The following GARS1 variants were observed in gnomAD, a reference collection of about 807,000 sequenced individuals.
GARS1 encodes glycyl-tRNA synthetase 1, also known as glycine--tRNA ligase.
GARS1 carries 46 observed loss-of-function variants against 86.4 expected under a neutral mutation model. That is an observed-to-expected ratio of 0.53 (90% CI 0.42 to 0.68). The LOEUF (loss-of-function observed/expected upper bound fraction) is 0.68, where lower values mean the gene tolerates loss of function less well. Among genes scored for constraint, GARS1 ranks in the 30% least tolerant of loss-of-function variants. The pLI is 0.00. For missense variants in GARS1, 797 were observed against 915.6 expected (o/e 0.87, Z 1.67); for synonymous variants, 342 against 329.8 (o/e 1.04, Z -0.40).
chr7:30,622,488 C>T (rs1232395832), intron 12 of GARS1, 26 bp downstream of exon 12: 1 of 1,613,388 alleles, frequency 6.2e-7, no homozygotes, highest in Non-Finnish European at 8.5e-7. Flanking sequence ...TTTACTCTTC[C>T]ATGGGCTCCA....
At position 30,628,661 on chromosome 7, in the gene GARS1, C is replaced by T; in HGVS notation, c.1801C>T (p.Gln601Ter). ...HTFHVREGDE[Q>*]RTFFSFPAVV... is the part of the protein sequence containing the mutation. ...ATTCCATGTACGAGAAGGAGATGAA[C>T]AGAGAACAGTAAGTTGTTGTGTACA... The change falls in exon 14 of 17, where the codon CAG becomes TAG. Residue 601 changes from glutamine to a stop codon, truncating the protein, a stop_gained. Coordinates refer to ENST00000389266, the MANE Select transcript of GARS1 (RefSeq NM_002047.4). LOFTEE classifies it high-confidence loss of function. 1 of 1,602,664 alleles carries T rather than the reference C, an allele frequency of 6.2e-7. No individual in the cohort carries two copies. The highest frequency in any genetic ancestry group is 8.5e-7 in the Non-Finnish European group (1 of 1,169,892).
rs1584016961 is a variant in GARS1, at chr7:30,594,939, A to G, written c.18A>G (p.Pro6=). The G allele has an allele frequency of 3.1e-6, 5 of 1,594,446 alleles. No individual in the cohort carries two copies. Among genetic ancestry groups the G allele is most frequent in the Non-Finnish European group, 3.4e-6 (4 of 1,177,526 alleles). ...GCAGGCTCATGCCCTCTCCGCGTCC[A>G]GTGCTGCTTAGAGGTGCTCGCGCCG... is the stretch of plus-strand genomic sequence containing the variant. MPSPR[P]VLLRGARAAL... The change falls in exon 1 of 17, where the codon CCA becomes CCG. Residue 6 remains proline, a synonymous_variant. Transcript: ENST00000389266.
Position 30,624,382 on chromosome 7 carries a change from T to G in GARS1, c.1614-1852T>G, listed in dbSNP as rs144255514. Among the ~76,000 whole-genome samples the G allele has an allele frequency of 7.4e-3, 1,124 of 152,330 alleles. 15 individuals carry two copies. Among genetic ancestry groups the G allele is most frequent in the African/African-American group, 0.025 (1,056 of 41,562 alleles). ...ATGTGGGTAAATAGAAATGGCATTTTCTCTGTCATCTCTTAATTTCTTTAA... is the reference window on the plus strand; with the variant it reads ...ATGTGGGTAAATAGAAATGGCATTTGCTCTGTCATCTCTTAATTTCTTTAA... On this transcript the variant is annotated intron_variant, in intron 12 of 16. Coordinates refer to ENST00000389266, the MANE Select transcript of GARS1 (RefSeq NM_002047.4).
chr7:30,594,941 T>C lies in GARS1; in HGVS notation c.20T>C (p.Val7Ala), dbSNP rs1411328478. Reference sequence around the variant, plus strand: ...AGGCTCATGCCCTCTCCGCGTCCAGTGCTGCTTAGAGGTGCTCGCGCCGCT... The same window carrying C: ...AGGCTCATGCCCTCTCCGCGTCCAGCGCTGCTTAGAGGTGCTCGCGCCGCT... Reference protein sequence around the residue: MPSPRPVLLRGARAALL... With the variant: MPSPRPALLRGARAALL... Residue 7 changes from valine to alanine, a missense_variant, in exon 1 of 17, where the codon GTG becomes GCG. Val to Ala is a moderately conservative substitution (Grantham distance 64). Around this residue, in one of 2 missense-constraint regions of GARS1, gnomAD observed 199 missense variants for 176.9 expected, o/e 1.12. Transcript: ENST00000389266. The C allele has an allele frequency of 6.3e-7, 1 of 1,594,966 alleles. No homozygotes were observed. The highest frequency in any genetic ancestry group is 1.7e-5 in the Admixed American group (1 of 59,448).
intron 1 of GARS1, chr7:30,595,788 C>A (rs755556962): frequency 2.1e-6 from 1 of 471,036 alleles, no homozygotes; most frequent in African/African-American, 2.0e-5. Flanking sequence ...AACTCATCAT[C>A]CTTTGCTCTT....
intron 8 of GARS1, among the ~76,000 whole-genome samples, chr7:30,614,871 C>CA (rs60532382): frequency 0.25 from 19,969 of 81,124 alleles, 1,706 homozygotes; most frequent in African/African-American, 0.32. Flanking sequence ...GACTCCGTCT[C>CA]AAAAAAAAAA....
Position 30,603,462 on chromosome 7 carries a change from C to T in GARS1, c.659-34C>T, listed in dbSNP as rs1331551589. On this transcript the variant is annotated intron_variant, in intron 5 of 16. Coordinates refer to ENST00000389266, the MANE Select transcript of GARS1 (RefSeq NM_002047.4). Reference sequence around the variant, plus strand: ...CTGAAAAGTGCATTGTCCTTTTTCCCATTGATTGATATATGTCAACACTGT... The same window carrying T: ...CTGAAAAGTGCATTGTCCTTTTTCCTATTGATTGATATATGTCAACACTGT... The T allele has an allele frequency of 3.3e-6, 5 of 1,537,256 alleles. No homozygotes were observed. In the African/African-American group the frequency reaches 4.1e-5, roughly 13 times the overall value.
At chr7:30,602,703 G>A (rs935656196) in intron 4 of GARS1, among the ~76,000 whole-genome samples, 4 of 152,212 alleles carry the variant, frequency 2.6e-5, no homozygotes, top group Non-Finnish European at 1.5e-5. Flanking sequence ...CCTTTGCTTA[G>A]ATCACTAATA....
At chr7:30,599,117 C>A (rs1268199838) in intron 2 of GARS1, among the ~76,000 whole-genome samples, 1 of 152,136 alleles carries the variant, frequency 6.6e-6, no homozygotes. Context: ...CCTTCCTGAC[C>A]CTGCAAATGC....
chr7:30,602,174 C>T (rs762830873), intron 4 of GARS1, among the ~76,000 whole-genome samples: 27 of 149,930 alleles, frequency 1.8e-4, no homozygotes, highest in Non-Finnish European at 3.4e-4. Context: ...CTGCAAGCTC[C>T]GCCTCTCGGG....
chr7:30,621,946 G>T (rs1783017252), intron 11 of GARS1, among the ~76,000 whole-genome samples: 2 of 152,196 alleles, frequency 1.3e-5, no homozygotes, highest in African/African-American at 4.8e-5. Flanking sequence ...TCTTTCTTTA[G>T]TAGGCAGTGA....
In GARS1 at chr7:30,615,676, A is replaced by T. The variant is rs181025169; in HGVS notation, c.1032-220A>T. ...GTACCCCATAAATTTGTACAAATAT[A>T]ATACATCAAAAAAATAAAAATAACA... is the stretch of plus-strand genomic sequence containing the variant. On this transcript the variant is annotated intron_variant, in intron 8 of 16. Transcript: ENST00000389266. Among the ~76,000 whole-genome samples the T allele has an allele frequency of 2.0e-4, 30 of 152,330 alleles. No homozygotes were observed. The East Asian group carries it at 5.8e-3, about 29-fold the overall frequency.
chr7:30,607,934 A>C (rs1262854595), intron 6 of GARS1, among the ~76,000 whole-genome samples: 1 of 152,210 alleles, frequency 6.6e-6, no homozygotes, highest in East Asian at 1.9e-4. Context: ...AAATGGTTGC[A>C]TTCCATACAC....
At chr7:30,602,029 G>T (rs1467748357) in intron 4 of GARS1, among the ~76,000 whole-genome samples, 1 of 150,994 alleles carries the variant, frequency 6.6e-6, no homozygotes, top group Non-Finnish European at 1.5e-5. Flanking sequence ...TGATCCGCCC[G>T]CCTCGGCCTC....
At chr7:30,633,133 C>G (rs1299597517) in intron 16 of GARS1, among the ~76,000 whole-genome samples, 2 of 152,174 alleles carry the variant, frequency 1.3e-5, no homozygotes, top group Non-Finnish European at 2.9e-5. Context: ...TTTTTAGAGA[C>G]CATCTGGCTA....
At position 30,601,178 on chromosome 7, in the gene GARS1, C is replaced by T. The variant is rs1584024072; in HGVS notation, c.547C>T (p.Leu183Phe). 3 of 1,614,098 alleles carry T rather than the reference C, an allele frequency of 1.9e-6. No homozygotes were observed. Among genetic ancestry groups the T allele is most frequent in the Non-Finnish European group, 2.5e-6 (3 of 1,179,980 alleles). ...GATCCTGGAGATCGATTGCACCATG[C>T]TCACCCCTGAGCCAGTTTTAAAGTG... ...EQILEIDCTM[L>F]TPEPVLKTSG... The change falls in exon 4 of 17, where the codon CTC (leucine) becomes TTC (phenylalanine). Residue 183 changes from leucine to phenylalanine, a missense_variant. Physicochemically the swap from Leu to Phe is conservative, Grantham distance 22. Transcript: ENST00000389266.
chr7:30,629,936 T>C (rs1258151147), intron 14 of GARS1, among the ~76,000 whole-genome samples: 2 of 152,248 alleles, frequency 1.3e-5, no homozygotes, highest in African/African-American at 4.8e-5. Flanking sequence ...AGCTGTTCCT[T>C]TGAATCTAAC....
intron 3 of GARS1, among the ~76,000 whole-genome samples, chr7:30,600,749 T>C (rs768440459): frequency 6.6e-6 from 1 of 152,230 alleles, no homozygotes; most frequent in African/African-American, 2.4e-5. Context: ...GGTGAGAAAT[T>C]ATTTTGTAAT....
intron 10 of GARS1, among the ~76,000 whole-genome samples, chr7:30,619,122 C>T (rs1324942496): frequency 6.6e-6 from 1 of 152,210 alleles, no homozygotes; most frequent in Non-Finnish European, 1.5e-5. Flanking sequence ...TTAAGTCTCA[C>T]AGCCAGTGAG....
Sources: allele counts gnomAD v4.1 joint callset (sites outside exome capture counted in the v4.1 genomes callset), GRCh38; gene constraint gnomAD v4.1.1; regional missense constraint gnomAD v4.1.1; transcripts MANE v1.5; gene names NCBI Gene and HGNC (gene_info 2026-07-23, HGNC 2026-07-21).